Variants in THSD7B observed in about 807,000 individuals in gnomAD.
The protein encoded by THSD7B is thrombospondin type 1 domain containing 7B.
In THSD7B, 138 loss-of-function variants were observed where a neutral mutation model predicts 213.6. That is an observed-to-expected ratio of 0.65 (90% CI 0.56 to 0.74). The LOEUF is 0.74. Among genes scored for constraint, THSD7B ranks in the 30% least tolerant of loss-of-function variants. The probability of loss-of-function intolerance (pLI) is 0.00; values close to 1 mark genes in which losing one functional copy is unlikely to be tolerated. For synonymous variants in THSD7B, 742 were observed against 687.0 expected, an observed-to-expected ratio of 1.08 and a Z score of -1.25; for missense variants, 1,931 against 1,991.5, an observed-to-expected ratio of 0.97 and a Z score of 0.58.
At chr2:137,641,250 CT>C (rs1233289997) in intron 20 of THSD7B, among the ~76,000 whole-genome samples, 1 of 152,198 alleles carries the variant, frequency 6.6e-6, no homozygotes, top group African/African-American at 2.4e-5. Flanking sequence ...CTGTCAGGTC[CT>C]CAGATATATG....
At chr2:136,880,422 T>A (rs1480928376) in intron 1 of THSD7B, among the ~76,000 whole-genome samples, 1 of 152,220 alleles carries the variant, frequency 6.6e-6, no homozygotes, top group Non-Finnish European at 1.5e-5. Context: ...TTTTTATTTT[T>A]CATAATACAT....
Position 137,663,415 on chromosome 2 carries a change from A to G in THSD7B, c.4491A>G (p.Thr1497=). ...TCTGTGGTTGTGAGAAGGGCTATACAGAGATAATGAAATCAAATGGTTTCC... is the reference window on the plus strand; with the variant it reads ...TCTGTGGTTGTGAGAAGGGCTATACGGAGATAATGAAATCAAATGGTTTCC... ...GGVCGCEKGY[T]EIMKSNGFLD... is the part of the protein sequence containing the mutation. The change falls in exon 26 of 28, where the codon ACA becomes ACG. Residue 1497 remains threonine (T), a synonymous_variant. Coordinates refer to ENST00000409968, the MANE Select transcript of THSD7B (RefSeq NM_001316349.2). 2 of 1,592,382 alleles carry G rather than the reference A, an allele frequency of 1.3e-6. No individual in the cohort carries two copies. Among genetic ancestry groups the G allele is most frequent in the Non-Finnish European group, 1.7e-6 (2 of 1,168,390 alleles).
At chr2:137,635,511 G>A (rs2104855995) in intron 20 of THSD7B, among the ~76,000 whole-genome samples, 1 of 152,254 alleles carries the variant, frequency 6.6e-6, no homozygotes, top group East Asian at 1.9e-4. Flanking sequence ...TTGGGAACTG[G>A]CTGAGTAACT....
At chr2:136,892,931 A>G (rs948342604) in intron 2 of THSD7B, among the ~76,000 whole-genome samples, 5 of 152,152 alleles carry the variant, frequency 3.3e-5, no homozygotes, top group Non-Finnish European at 7.3e-5. Context: ...CTGCCTCTTC[A>G]TGTTGCAGAA....
intron 10 of THSD7B, among the ~76,000 whole-genome samples, chr2:137,260,229 G>A (rs1447572038): frequency 6.6e-6 from 1 of 151,866 alleles, no homozygotes; most frequent in African/African-American, 2.4e-5. Context: ...TAAGAGAATT[G>A]GTATAAGTAT....
chr2:137,212,003 G>A (rs1164909052), intron 7 of THSD7B, among the ~76,000 whole-genome samples: 1 of 151,952 alleles, frequency 6.6e-6, no homozygotes, highest in Non-Finnish European at 1.5e-5. Context: ...AATAAACAAA[G>A]GGGGAATCCT....
Position 137,592,314 on chromosome 2 carries a change from G to A in THSD7B, c.3423+19758G>A, listed in dbSNP as rs546055171. ...TTTGTCAATATAACCTAAAATTATAGATCTAGATGATTATTTTCATCAGTT... is the reference window on the plus strand; with the variant it reads ...TTTGTCAATATAACCTAAAATTATAAATCTAGATGATTATTTTCATCAGTT... On this transcript the variant is annotated intron_variant, in intron 17 of 27. Transcript: ENST00000409968. Among the ~76,000 whole-genome samples the A allele has an allele frequency of 3.3e-5, 5 of 151,730 alleles. No individual in the cohort carries two copies. The South Asian group carries it at 6.2e-4, about 19-fold the overall frequency.
chr2:137,525,479 T>C lies in THSD7B; in HGVS notation c.3139-37742T>C, dbSNP rs557320513. Reference sequence around the variant, plus strand: ...TAGTTACTTATACTTATTTATCCATTTCCCAGCCACTATAATTCTCTCTTC... The same window carrying C: ...TAGTTACTTATACTTATTTATCCATCTCCCAGCCACTATAATTCTCTCTTC... On this transcript the variant is annotated intron_variant, in intron 15 of 27. Transcript: ENST00000409968. 3.3e-5 allele frequency among the ~76,000 whole-genome samples: 5 copies of C among 152,274 alleles called. No individual in the cohort carries two copies. The South Asian group carries it at 8.3e-4, about 25-fold the overall frequency.
At chr2:137,043,435 G>A (rs62171219) in intron 2 of THSD7B, among the ~76,000 whole-genome samples, 13 of 151,988 alleles carry the variant, frequency 8.6e-5, no homozygotes, top group South Asian at 4.2e-4. Context: ...CAGTGACCTC[G>A]GCCTGCTCTG....
At chr2:137,053,849 A>G (rs1193409024) in intron 2 of THSD7B, among the ~76,000 whole-genome samples, 1 of 152,178 alleles carries the variant, frequency 6.6e-6, no homozygotes, top group Non-Finnish European at 1.5e-5. Flanking sequence ...CTTTAACTTT[A>G]TCCAATAACT....
At chr2:137,228,376 T>G (rs1444175925) in intron 7 of THSD7B, among the ~76,000 whole-genome samples, 5 of 152,142 alleles carry the variant, frequency 3.3e-5, no homozygotes, top group African/African-American at 1.2e-4. Context: ...AAAAAGTATT[T>G]GAGCACCTGA....
chr2:137,112,951 C>T (rs1380131568), intron 4 of THSD7B, among the ~76,000 whole-genome samples: 1 of 152,148 alleles, frequency 6.6e-6, no homozygotes, highest in African/African-American at 2.4e-5. Flanking sequence ...AAGTCACTAA[C>T]CAGAAAGCGG....
intron 2 of THSD7B, among the ~76,000 whole-genome samples, chr2:137,017,752 T>G (rs1472253232): frequency 6.6e-6 from 1 of 152,198 alleles, no homozygotes; most frequent in Non-Finnish European, 1.5e-5. Context: ...TGTAAGATGC[T>G]TTGTGGCTTT....
chr2:137,147,453 A>G (rs1679725225), intron 5 of THSD7B, among the ~76,000 whole-genome samples: 1 of 149,568 alleles, frequency 6.7e-6, no homozygotes, highest in Non-Finnish European at 1.5e-5. Context: ...TGAGGCCTTC[A>G]TTACTCCTTC....
rs41360246 is a variant in THSD7B, at chr2:136,910,184, A to G, written c.139+27867A>G. 8.0e-3 allele frequency among the ~76,000 whole-genome samples: 1,218 copies of G among 152,176 alleles called. 19 individuals carry two copies. Among genetic ancestry groups the G allele is most frequent in the African/African-American group, 0.028 (1,164 of 41,526 alleles). On this transcript the variant is annotated intron_variant, in intron 2 of 27. Transcript: ENST00000409968. The stretch of plus-strand genomic sequence containing the variant: ...GAGAAAGCAAGGTGAACTACAGACA[A>G]CTAGAGTGGAGTATAAACAAAACAT...
At chr2:137,225,935 T>C (rs1033094125) in intron 7 of THSD7B, among the ~76,000 whole-genome samples, 17 of 151,824 alleles carry the variant, frequency 1.1e-4, no homozygotes, top group African/African-American at 3.1e-4. Context: ...GTTCTGAATA[T>C]AAACATTTCC....
chr2:137,503,075 A>G (rs921325725), intron 15 of THSD7B, among the ~76,000 whole-genome samples: 5 of 152,188 alleles, frequency 3.3e-5, no homozygotes, highest in Non-Finnish European at 5.9e-5. Flanking sequence ...GCATTCTATC[A>G]TTGTTATGTA....
chr2:137,350,477 C>G (rs998128430), intron 12 of THSD7B, among the ~76,000 whole-genome samples: 9 of 151,606 alleles, frequency 5.9e-5, no homozygotes, highest in African/African-American at 2.2e-4. Flanking sequence ...AGAGTGGCAC[C>G]CGGTAAAGTC....
intron 3 of THSD7B, among the ~76,000 whole-genome samples, chr2:137,058,948 T>C (rs2104879165): frequency 6.6e-6 from 1 of 152,282 alleles, no homozygotes; most frequent in East Asian, 1.9e-4. Flanking sequence ...TTTTAAGCCA[T>C]CCAGCTTCTG....
Sources: gnomAD v4.1 joint callset for allele counts (sites outside exome capture counted in the v4.1 genomes callset) on GRCh38, gnomAD v4.1.1 for gene constraint, MANE v1.5 for transcripts, NCBI Gene and HGNC (gene_info 2026-07-23, HGNC 2026-07-21) for gene names.